The following ZZEF1 variants were observed in gnomAD, a reference collection of about 807,000 sequenced individuals.
ZZEF1 encodes zinc finger ZZ-type and EF-hand domain containing 1.
In ZZEF1, 157 loss-of-function variants were observed where a neutral mutation model predicts 342.8. The ratio of observed to expected loss-of-function variants is 0.46; its 90% CI spans 0.40 to 0.52. The LOEUF (loss-of-function observed/expected upper bound fraction) is 0.52. ZZEF1 is among the 20% of genes least tolerant of loss of function. The pLI is 0.00. For synonymous variants in ZZEF1, 1,505 were observed against 1,429.1 expected (o/e 1.05, Z -1.20); for missense variants, 3,480 against 3,725.6 (o/e 0.93, Z 1.72).
Position 4,013,566 on chromosome 17 carries a change from T to C in ZZEF1, c.8462A>G (p.His2821Arg). 2 of 1,614,140 alleles carry C rather than the reference T, an allele frequency of 1.2e-6. No individual in the cohort carries two copies. Among genetic ancestry groups the C allele is most frequent in the Admixed American group, 1.7e-5 (1 of 60,014 alleles). The change falls in exon 52 of 55, where the codon CAT (histidine) becomes CGT (arginine). Residue 2821 changes from histidine (H) to arginine (R), a missense_variant. By Grantham distance (29) the His-to-Arg change is conservative (BLOSUM62 0). This residue lies in a region of ZZEF1 where 1,269 missense variants were observed against 1,342.4 expected (regional missense o/e 0.95). Transcript: ENST00000381638. ...TTCCCAAATTTTTGCCAATGGGAGA[T>C]GAGGCACGACCCTTTCTTCTGACAA... Reference protein sequence around the residue: ...QMLSEERVVPHLPLAKIWEWL... With the variant: ...QMLSEERVVPRLPLAKIWEWL...
chr17:4,094,888 C>T (rs2145405116), intron 11 of ZZEF1, among the ~76,000 whole-genome samples: 1 of 152,318 alleles, frequency 6.6e-6, no homozygotes, highest in Admixed American at 6.5e-5. Context: ...CCAGCTGCCT[C>T]CAGACTTGCT....
chr17:4,075,133 G>C lies in ZZEF1; in HGVS notation c.3447C>G (p.Arg1149=). Residue 1149 remains arginine (R), a synonymous_variant, in exon 23 of 55, where the codon CGC becomes CGG. Transcript: ENST00000381638. ...TATCAGTGCCAACTTTTGTGTCATA[G>C]CGTGTTTTCCGACCTCTAGCGTCGG... The part of the protein sequence containing the change: ...EFTDARGRKT[R]YDTKVGTDKW... 6.2e-7 allele frequency: 1 copy of C among 1,614,222 alleles called. No homozygotes were observed. Among genetic ancestry groups the C allele is most frequent in the Admixed American group, 1.7e-5 (1 of 60,028 alleles).
At chr17:4,010,204 A>AC (rs200244046) in intron 52 of ZZEF1, among the ~76,000 whole-genome samples, 10 of 145,412 alleles carry the variant, frequency 6.9e-5, no homozygotes, top group African/African-American at 2.4e-4. Context: ...CAAAAAACAA[A>AC]CAAAAAAAAA....
At chr17:4,058,792 A>G (rs2057223334) in intron 31 of ZZEF1, among the ~76,000 whole-genome samples, 1 of 152,184 alleles carries the variant, frequency 6.6e-6, no homozygotes, top group African/African-American at 2.4e-5. Context: ...GAGTAGATCA[A>G]TTGAGCCTGG....
At chr17:4,093,962 A>G (rs996112060) in intron 11 of ZZEF1, among the ~76,000 whole-genome samples, 4 of 151,962 alleles carry the variant, frequency 2.6e-5, no homozygotes, top group African/African-American at 9.7e-5. Context: ...TCCCTCAAAC[A>G]TTATTTTCCC....
At chr17:4,007,440 A>G (rs1226095630) in intron 54 of ZZEF1, among the ~76,000 whole-genome samples, 3 of 151,894 alleles carry the variant, frequency 2.0e-5, no homozygotes, top group Non-Finnish European at 4.4e-5. Flanking sequence ...AGGGAGGAAG[A>G]GGGGGTTGGC....
intron 9 of ZZEF1, among the ~76,000 whole-genome samples, chr17:4,099,320 G>C (rs1024917206): frequency 3.9e-5 from 6 of 152,224 alleles, no homozygotes; most frequent in Admixed American, 2.6e-4. Flanking sequence ...ACACTCCTGG[G>C]CTCAAACAAT....
intron 45 of ZZEF1, chr17:4,019,991 C>T (rs1274225416): frequency 4.5e-6 from 2 of 449,004 alleles, no homozygotes; most frequent in Admixed American, 8.9e-5. Flanking sequence ...AATTATAAAA[C>T]ACTAAAACCC....
intron 44 of ZZEF1, among the ~76,000 whole-genome samples, chr17:4,022,178 T>C (rs569929186): frequency 5.9e-5 from 9 of 152,224 alleles, no homozygotes; most frequent in African/African-American, 1.9e-4. Flanking sequence ...CAGCCTTTCC[T>C]GGGCCTGAAT....
At chr17:4,106,178 C>T (rs981338417) in intron 6 of ZZEF1, among the ~76,000 whole-genome samples, 2 of 152,188 alleles carry the variant, frequency 1.3e-5, no homozygotes, top group African/African-American at 2.4e-5. Flanking sequence ...GAACTCCTGA[C>T]CTCGTGATCC....
At chr17:4,112,078 ATATATATATATATATGTTT>A (rs1404026716) in intron 5 of ZZEF1, among the ~76,000 whole-genome samples, 46 of 46,060 alleles carry the variant, frequency 1.0e-3, no homozygotes, top group Non-Finnish European at 1.2e-3. Flanking sequence ...ATATATATAT[ATATATATATATATATGTTT>A]TGTTTTGTTT....
Position 4,064,071 on chromosome 17 carries a change from G to C in ZZEF1, c.4718+290C>G, listed in dbSNP as rs374524444. On this transcript the variant is annotated intron_variant, in intron 29 of 54. Transcript: ENST00000381638. ...AAATTTTTTGTAGATGGAGGGGGGG[G>C]GGTCTCACTATGTTGCCCAGGTTGG... 1.8e-4 allele frequency among the ~76,000 whole-genome samples: 27 copies of C among 151,342 alleles called. 1 individual carries two copies. Among genetic ancestry groups the C allele is most frequent in the South Asian group, 1.3e-3 (6 of 4,778 alleles).
At chr17:4,088,325 TCA>T (rs1439889271) in intron 13 of ZZEF1, among the ~76,000 whole-genome samples, 2 of 152,216 alleles carry the variant, frequency 1.3e-5, no homozygotes, top group African/African-American at 4.8e-5. Flanking sequence ...CACCTAGACC[TCA>T]GTTATAATTC....
chr17:4,094,333 A>G (rs2057996377), intron 11 of ZZEF1, among the ~76,000 whole-genome samples: 1 of 151,048 alleles, frequency 6.6e-6, no homozygotes, highest in African/African-American at 2.4e-5. Context: ...TTTTTTTTTT[A>G]GAGATGGGGG....
At chr17:4,103,959 G>C (rs2058168473) in intron 8 of ZZEF1, among the ~76,000 whole-genome samples, 1 of 152,088 alleles carries the variant, frequency 6.6e-6, no homozygotes, top group African/African-American at 2.4e-5. Context: ...CTGGAATACT[G>C]CCAACAGGAT....
In ZZEF1 at chr17:4,007,118, G is replaced by A; in HGVS notation, c.8806-148C>T. On this transcript the variant is annotated intron_variant, in intron 54 of 54. Coordinates refer to ENST00000381638, the MANE Select transcript of ZZEF1 (RefSeq NM_015113.4). The stretch of plus-strand genomic sequence containing the variant: ...CCCTCCCCCACAGGCCTGCAGAGTG[G>A]AGAGAGAAAAAAAATGCTATTAAGA... 1.5e-5 allele frequency: 10 copies of A among 681,556 alleles called. No individual in the cohort carries two copies. In the South Asian group the frequency reaches 1.9e-4, roughly 13 times the overall value. The allele number at this position is 681,556 out of a possible 1,614,324, so 42.2% of individuals were successfully genotyped here.
intron 8 of ZZEF1, among the ~76,000 whole-genome samples, chr17:4,103,377 TA>T (rs142957428): frequency 8.4e-4 from 123 of 146,078 alleles, no homozygotes; most frequent in Admixed American, 8.2e-4. Flanking sequence ...AGCTCATTTC[TA>T]AAAAAAAAAA....
rs576241624 is a variant in ZZEF1, at chr17:4,017,866, C to G, written c.7611G>C (p.Val2537=). ...ATGGCAGGATAATCATGTCTGTATCCACAGCTTTGGCGCTCTGTTCTTCCA... is the reference window on the plus strand; with the variant it reads ...ATGGCAGGATAATCATGTCTGTATCGACAGCTTTGGCGCTCTGTTCTTCCA... ...LRLEEQSAKA[V]DTDMIILPCL... is the part of the protein sequence containing the mutation. Residue 2537 remains valine, a synonymous_variant, in exon 47 of 55, where the codon GTG becomes GTC. Transcript: ENST00000381638. This position sits in a 1 kb window ranked among gnomAD's most constrained non-coding sequence, Gnocchi z 5.1. The G allele has an allele frequency of 1.2e-6, 2 of 1,614,174 alleles. No individual in the cohort carries two copies. The highest frequency in any genetic ancestry group is 2.2e-5 in the South Asian group (2 of 91,076).
chr17:4,077,176 C>G lies in ZZEF1; in HGVS notation c.2990-187G>C, dbSNP rs1263709312. Reference sequence around the variant, plus strand: ...GGAAGAAGCAGTGCGAATTTCAGTACAAGACTCACTTTTAAAGGGATTTTT... The same window carrying G: ...GGAAGAAGCAGTGCGAATTTCAGTAGAAGACTCACTTTTAAAGGGATTTTT... On this transcript the variant is annotated intron_variant, in intron 19 of 54. Transcript: ENST00000381638. Among the ~76,000 whole-genome samples, 10 of 148,218 alleles carry G rather than the reference C, an allele frequency of 6.7e-5. No homozygotes were observed. In the East Asian group the frequency reaches 1.2e-3, roughly 17 times the overall value.
Sources: allele counts gnomAD v4.1 joint callset (sites outside exome capture counted in the v4.1 genomes callset), GRCh38; gene constraint gnomAD v4.1.1; regional missense constraint gnomAD v4.1.1; non-coding constraint Gnocchi (gnomAD v3.1); transcripts MANE v1.5; gene names NCBI Gene and HGNC (gene_info 2026-07-23, HGNC 2026-07-21).